The following WWOX variants were observed in gnomAD, a reference collection of about 807,000 sequenced individuals.
WWOX encodes the protein WW domain containing oxidoreductase, also known as WW domain-containing oxidoreductase.
In WWOX, 69 loss-of-function variants were observed where a neutral mutation model predicts 46.2. The observed-to-expected ratio is 1.49, with a 90% CI of 1.23 to 1.82. WWOX has a LOEUF of 1.82. WWOX is among the 40% of genes most tolerant of loss of function. The pLI, the probability that WWOX is intolerant of heterozygous loss-of-function variation, is 0.00. For synonymous variants in WWOX, 359 were observed against 202.6 expected (o/e 1.77, Z -6.56); for missense variants, 919 against 542.6 (o/e 1.69, Z -6.89).
intron 8 of WWOX, among the ~76,000 whole-genome samples, chr16:78,756,753 G>A (rs1278374964): frequency 1.3e-5 from 2 of 152,158 alleles, no homozygotes; most frequent in Non-Finnish European, 1.5e-5. Flanking sequence ...AACCTAAGTT[G>A]GGGAATGTGG....
intron 8 of WWOX, among the ~76,000 whole-genome samples, chr16:78,907,649 C>A (rs552276381): frequency 6.6e-6 from 1 of 152,226 alleles, no homozygotes; most frequent in East Asian, 1.9e-4. Flanking sequence ...AATTTTCTTA[C>A]TCTTACAATT....
At position 78,199,039 on chromosome 16, in the gene WWOX, A is replaced by AGCCAT. The variant is rs574705252; in HGVS notation, c.516+34751_516+34755dup. Among the ~76,000 whole-genome samples, 55 of 152,162 alleles carry AGCCAT rather than the reference A, an allele frequency of 3.6e-4. No homozygotes were observed. The East Asian group carries it at 9.1e-3, about 25-fold the overall frequency. ...CCATAACATTCACCTTCCACTCTGT[A>AGCCAT]GCCATAATTAAATCTCCCATGCATC... On this transcript the variant is annotated intron_variant, in intron 5 of 8. Coordinates refer to ENST00000566780, the MANE Select transcript of WWOX (RefSeq NM_016373.4).
intron 8 of WWOX, among the ~76,000 whole-genome samples, chr16:79,168,698 C>G (rs1210305578): frequency 1.3e-5 from 2 of 152,028 alleles, no homozygotes; most frequent in Admixed American, 6.6e-5. Flanking sequence ...TTGTGAAGCC[C>G]CTCAGGGAAG....
chr16:78,505,857 T>C (rs545508568), intron 8 of WWOX, among the ~76,000 whole-genome samples: 115 of 152,214 alleles, frequency 7.6e-4, no homozygotes, highest in African/African-American at 2.4e-3. Flanking sequence ...TGGAGAGGAC[T>C]CCAGGGCCAT....
intron 3 of WWOX, among the ~76,000 whole-genome samples, chr16:78,113,880 T>G (rs935720831): frequency 8.5e-5 from 13 of 152,170 alleles, no homozygotes; most frequent in Non-Finnish European, 1.3e-4. Flanking sequence ...ATTATTACTC[T>G]TGAGTCTTGG....
intron 8 of WWOX, among the ~76,000 whole-genome samples, chr16:79,192,177 C>T (rs1257878998): frequency 6.6e-6 from 1 of 152,178 alleles, no homozygotes; most frequent in Non-Finnish European, 1.5e-5. Flanking sequence ...CTCCTGCCAG[C>T]TCTAATAGGG....
At chr16:78,986,106 G>A (rs1041660690) in intron 8 of WWOX, among the ~76,000 whole-genome samples, 18 of 152,318 alleles carry the variant, frequency 1.2e-4, no homozygotes, top group Non-Finnish European at 7.3e-5. Flanking sequence ...CCGGGGCTCC[G>A]GGAGACATTT....
chr16:78,274,593 A>G (rs887224462), intron 5 of WWOX, among the ~76,000 whole-genome samples: 10 of 152,136 alleles, frequency 6.6e-5, no homozygotes, highest in South Asian at 2.1e-4. Context: ...AACACATCCA[A>G]TGTTCAATGT....
At chr16:78,109,317 T>G (rs1481592783) in intron 2 of WWOX, among the ~76,000 whole-genome samples, 3 of 151,400 alleles carry the variant, frequency 2.0e-5, no homozygotes, top group African/African-American at 7.3e-5. Context: ...TGAGACCCCA[T>G]CTCAAAAAAA....
Position 78,890,358 on chromosome 16 carries a change from C to G in WWOX, c.1057-321250C>G, listed in dbSNP as rs555878705. 9 of 152,250 alleles carry G rather than the reference C, an allele frequency of 5.9e-5. No individual in the cohort carries two copies. The East Asian group carries it at 1.7e-3, about 29-fold the overall frequency. 9.4% of individuals were successfully genotyped at this position (152,250 alleles called of 1,614,324 possible). On this transcript the variant is annotated intron_variant, in intron 8 of 8. Transcript: ENST00000566780. ...GACCTCCATCATTCTTAAATTTGAC[C>G]TCCATCATTCTTAAATTTGACCTCC...
chr16:79,023,792 CAA>C (rs71674970), intron 8 of WWOX, among the ~76,000 whole-genome samples: 1 of 141,212 alleles, frequency 7.1e-6, no homozygotes, highest in Admixed American at 7.1e-5. Context: ...ACTAAAAATA[CAA>C]AAAAAAAAAA....
intron 8 of WWOX, among the ~76,000 whole-genome samples, chr16:79,065,835 C>G (rs562986653): frequency 6.7e-6 from 1 of 148,716 alleles, no homozygotes; most frequent in Non-Finnish European, 1.5e-5. Context: ...GGGCTAGAAG[C>G]AAGATGGAGT....
At chr16:78,926,222 G>C (rs533459014) in intron 8 of WWOX, among the ~76,000 whole-genome samples, 3 of 152,182 alleles carry the variant, frequency 2.0e-5, no homozygotes, top group East Asian at 1.9e-4. Flanking sequence ...AAATTTACAA[G>C]CTTAGCCAGG....
intron 8 of WWOX, among the ~76,000 whole-genome samples, chr16:79,151,439 C>T (rs375074788): frequency 6.6e-6 from 1 of 152,200 alleles, no homozygotes; most frequent in Non-Finnish European, 1.5e-5. Flanking sequence ...ACCAGACATT[C>T]CTCAGCACTG....
chr16:78,876,291 T>G lies in WWOX; in HGVS notation c.1057-335317T>G, dbSNP rs1195468400. Among the ~76,000 whole-genome samples the G allele has an allele frequency of 3.3e-5, 5 of 152,272 alleles. No homozygotes were observed. In the South Asian group the frequency reaches 1.0e-3, roughly 32 times the overall value. Reference sequence around the variant, plus strand: ...TTTTAATATTGTACCCATTGTACTTTAGTCTAAGTGATGGCTGCTTATGGC... The same window carrying G: ...TTTTAATATTGTACCCATTGTACTTGAGTCTAAGTGATGGCTGCTTATGGC... On this transcript the variant is annotated intron_variant, in intron 8 of 8. Transcript: ENST00000566780.
intron 8 of WWOX, among the ~76,000 whole-genome samples, chr16:78,640,939 CAA>C (rs11378985): frequency 6.7e-5 from 9 of 133,992 alleles, no homozygotes; most frequent in East Asian, 4.4e-4. Context: ...ATTCTGTCTT[CAA>C]AAAAAAAAAA....
intron 8 of WWOX, among the ~76,000 whole-genome samples, chr16:78,780,149 A>G (rs759805309): frequency 1.2e-4 from 19 of 152,062 alleles, no homozygotes; most frequent in East Asian, 5.8e-4. Context: ...GGGTAATGCT[A>G]TGGTCACCTG....
chr16:78,382,543 C>G (rs1479699115), intron 5 of WWOX, among the ~76,000 whole-genome samples: 1 of 152,160 alleles, frequency 6.6e-6, no homozygotes, highest in Non-Finnish European at 1.5e-5. Flanking sequence ...TGCAGAGGAT[C>G]TTGTGAGCCA....
At chr16:78,447,680 G>A (rs2083593408) in intron 8 of WWOX, among the ~76,000 whole-genome samples, 1 of 152,234 alleles carries the variant, frequency 6.6e-6, no homozygotes, top group South Asian at 2.1e-4. Context: ...AAGAAACCAT[G>A]CAGGATTCCA....
Sources: gnomAD v4.1 joint callset for allele counts (sites outside exome capture counted in the v4.1 genomes callset) on GRCh38, gnomAD v4.1.1 for gene constraint, MANE v1.5 for transcripts, NCBI Gene and HGNC (gene_info 2026-07-23, HGNC 2026-07-21) for gene names.